The following KCNQ1 variants were observed in gnomAD, a reference collection of about 807,000 sequenced individuals.
KCNQ1 encodes potassium voltage-gated channel subfamily Q member 1.
A neutral mutation model predicts 72.4 loss-of-function variants in KCNQ1; 49 were observed. The observed-to-expected ratio is 0.68, with a 90% CI of 0.54 to 0.86. The LOEUF (loss-of-function observed/expected upper bound fraction) is 0.86, where lower values mean the gene tolerates loss of function less well. Among genes scored for constraint, KCNQ1 ranks in the 40% least tolerant of loss-of-function variants. The pLI is 0.00. For missense variants in KCNQ1, 790 were observed against 945.1 expected (o/e 0.84, Z 2.15); for synonymous variants, 450 against 412.6 (o/e 1.09, Z -1.10).
chr11:2,792,054 C>T (rs1348819417), intron 15 of KCNQ1, among the ~76,000 whole-genome samples: 1 of 152,146 alleles, frequency 6.6e-6, no homozygotes, highest in Non-Finnish European at 1.5e-5. Flanking sequence ...CTGAGCCCTC[C>T]CCACCCCGTT....
intron 10 of KCNQ1, chr11:2,633,696 G>C (rs1282604953): frequency 5.0e-6 from 2 of 398,214 alleles, no homozygotes; most frequent in African/African-American, 2.1e-5. Context: ...TTTACTTCTG[G>C]GTTCTCTATT....
chr11:2,649,263 G>A lies in KCNQ1; in HGVS notation c.1394-12698G>A, dbSNP rs987381443. 3 of 398,032 alleles carry A rather than the reference G, an allele frequency of 7.5e-6. No homozygotes were observed. In the Admixed American group the frequency reaches 1.3e-4, roughly 18 times the overall value. The allele number at this position is 398,032 out of a possible 1,614,324, so 24.7% of individuals were successfully genotyped here. A position where few individuals can be genotyped will look rare whatever the true frequency, so the allele number is the denominator to read the frequency against. ...TACTCCTGTCATTTTATTGTTTTCTGACTGATTTGTATACTTTTGTTTCCT... is the reference window on the plus strand; with the variant it reads ...TACTCCTGTCATTTTATTGTTTTCTAACTGATTTGTATACTTTTGTTTCCT... On this transcript the variant is annotated intron_variant, in intron 10 of 15. Transcript: ENST00000155840.
At chr11:2,665,467 T>C (rs2283181) in intron 11 of KCNQ1, 5,091 of 396,402 alleles carry the variant, frequency 0.013, 158 homozygotes, top group East Asian at 0.08. Context: ...CGACAGTGGG[T>C]GGGGACGGTG....
intron 1 of KCNQ1, among the ~76,000 whole-genome samples, chr11:2,503,593 TGAC>T (rs1249416692): frequency 6.6e-6 from 1 of 151,576 alleles, no homozygotes; most frequent in Admixed American, 6.6e-5. Flanking sequence ...TAATGCTAAA[TGAC>T]GAGTTAATGG....
Position 2,617,551 on chromosome 11 carries a change from A to G in KCNQ1, c.1393+28697A>G. On this transcript the variant is annotated intron_variant, in intron 10 of 15. Transcript: ENST00000155840. The surrounding 1 kb of genome is among the most constrained non-coding windows in gnomAD (Gnocchi z 4.6). Reference sequence around the variant, plus strand: ...GAGCGCAGATATCTTTATGAGGTGGAGATTTCATTTTCTTTGGGAATATAC... The same window carrying G: ...GAGCGCAGATATCTTTATGAGGTGGGGATTTCATTTTCTTTGGGAATATAC... 2.5e-6 allele frequency: 1 copy of G among 398,432 alleles called. No individual in the cohort carries two copies. The highest frequency in any genetic ancestry group is 4.4e-6 in the Non-Finnish European group (1 of 225,952). The allele number at this position is 398,432 out of a possible 1,614,324, so 24.7% of individuals were successfully genotyped here.
At chr11:2,521,459 G>A (rs1338601199) in intron 1 of KCNQ1, 3 of 464,760 alleles carry the variant, frequency 6.5e-6, no homozygotes, top group Non-Finnish European at 9.0e-6. Flanking sequence ...AAGTATTAAC[G>A]TAATTTTTAA....
Position 2,724,355 on chromosome 11 carries a change from G to A in KCNQ1, c.1515-44489G>A, listed in dbSNP as rs927705217. On this transcript the variant is annotated intron_variant, in intron 11 of 15. Coordinates refer to ENST00000155840, the MANE Select transcript of KCNQ1 (RefSeq NM_000218.3). This position sits in a 1 kb window ranked among gnomAD's most constrained non-coding sequence, Gnocchi z 6.8. The stretch of plus-strand genomic sequence containing the variant: ...CAGGAGTGACAGCGTCCTCCCGCCC[G>A]GATTGGGTTTCTGCACAGTGGAATG... Among the ~76,000 whole-genome samples, 11 of 152,162 alleles carry A rather than the reference G, an allele frequency of 7.2e-5. No individual in the cohort carries two copies. The highest frequency in any genetic ancestry group is 1.5e-4 in the Non-Finnish European group (10 of 68,006).
chr11:2,527,155 G>T (rs998679961), intron 1 of KCNQ1, among the ~76,000 whole-genome samples: 31 of 152,190 alleles, frequency 2.0e-4, no homozygotes, highest in Admixed American at 6.5e-5. Flanking sequence ...TGGCCCCAGG[G>T]TGGGGCTCTG....
intron 15 of KCNQ1, among the ~76,000 whole-genome samples, chr11:2,778,735 C>T (rs779042104): frequency 2.6e-5 from 4 of 152,250 alleles, no homozygotes; most frequent in African/African-American, 7.2e-5. Flanking sequence ...ACAGCAAGTC[C>T]GTCTACATGG....
At position 2,725,672 on chromosome 11, in the gene KCNQ1, G is replaced by C. The variant is rs961059095; in HGVS notation, c.1515-43172G>C. The stretch of plus-strand genomic sequence containing the variant: ...CCCTGCCTTCAGTGCCAAAGCCCCA[G>C]GCCCACAGGCTGTGCACTCCAGCCG... On this transcript the variant is annotated intron_variant, in intron 11 of 15. Coordinates refer to ENST00000155840, the MANE Select transcript of KCNQ1 (RefSeq NM_000218.3). This position sits in a 1 kb window ranked among gnomAD's most constrained non-coding sequence, Gnocchi z 7.2. Among the ~76,000 whole-genome samples, 3 of 152,152 alleles carry C rather than the reference G, an allele frequency of 2.0e-5. No homozygotes were observed. The highest frequency in any genetic ancestry group is 2.9e-5 in the Non-Finnish European group (2 of 68,018).
In KCNQ1 at chr11:2,507,334, T is replaced by C. The variant is rs3819508; in HGVS notation, c.387-20594T>C. On this transcript the variant is annotated intron_variant, in intron 1 of 15. Coordinates refer to ENST00000155840, the MANE Select transcript of KCNQ1 (RefSeq NM_000218.3). This position sits in a 1 kb window ranked among gnomAD's most constrained non-coding sequence, Gnocchi z 5.4. ...GCCCCTCTGGCCTCTAAGTGGAGCA[T>C]GGAGTGTGGGGTCATCGGGCAGGAC... Among the ~76,000 whole-genome samples the C allele has an allele frequency of 0.84, 127,628 of 151,768 alleles. 54,064 individuals are homozygous for C. The highest frequency in any genetic ancestry group is 0.98 in the East Asian group (5,036 of 5,136).
At chr11:2,551,929 G>T (rs1847988995) in intron 2 of KCNQ1, among the ~76,000 whole-genome samples, 1 of 152,176 alleles carries the variant, frequency 6.6e-6, no homozygotes, top group Admixed American at 6.5e-5. Flanking sequence ...TTAACAATTA[G>T]GTTGTCTTCT....
intron 11 of KCNQ1, chr11:2,692,565 C>T: frequency 7.5e-6 from 3 of 398,806 alleles, no homozygotes; most frequent in Non-Finnish European, 8.8e-6. Flanking sequence ...GCCACTTTCC[C>T]CAAGGGAGTT....
Position 2,664,897 on chromosome 11 carries a change from G to T in KCNQ1, c.1514+2816G>T. ...AAAAACATAAATAAAGACACATTTT[G>T]TTTCCATCTCGAGCTCTCCCCGCCC... On this transcript the variant is annotated intron_variant, in intron 11 of 15. Transcript: ENST00000155840. This position sits in a 1 kb window ranked among gnomAD's most constrained non-coding sequence, Gnocchi z 5.1. 1 of 398,648 alleles carries T rather than the reference G, an allele frequency of 2.5e-6. No homozygotes were observed. The highest frequency in any genetic ancestry group is 4.4e-6 in the Non-Finnish European group (1 of 226,078). 24.7% of individuals were successfully genotyped at this position (398,648 alleles called of 1,614,324 possible).
In KCNQ1 at chr11:2,494,107, C is replaced by T. The variant is rs1846874490; in HGVS notation, c.387-33821C>T. Among the ~76,000 whole-genome samples, 1 of 152,054 alleles carries T rather than the reference C, an allele frequency of 6.6e-6. No homozygotes were observed. The highest frequency in any genetic ancestry group is 1.5e-5 in the Non-Finnish European group (1 of 68,006). The stretch of plus-strand genomic sequence containing the variant: ...CCTAGGTATTTTCTTCTCTTTGTAG[C>T]AATTATGAATGGGGATTCACTCATG... On this transcript the variant is annotated intron_variant, in intron 1 of 15. Transcript: ENST00000155840. This position sits in a 1 kb window ranked among gnomAD's most constrained non-coding sequence, Gnocchi z 4.6.
At chr11:2,825,844 A>T (rs887591805) in intron 15 of KCNQ1, among the ~76,000 whole-genome samples, 2 of 152,084 alleles carry the variant, frequency 1.3e-5, no homozygotes. Context: ...TGGAGTTTGG[A>T]GTAAAGAGAG....
intron 1 of KCNQ1, among the ~76,000 whole-genome samples, chr11:2,505,513 T>C (rs186437421): frequency 1.3e-5 from 2 of 152,324 alleles, no homozygotes; most frequent in East Asian, 3.9e-4. Flanking sequence ...AAGTCCTCTA[T>C]TCTGTAACTT....
rs1456981905 is a variant in KCNQ1 at position 2,483,098 on chromosome 11, C to G, written c.386+37614C>G. ...GAATTGAGGGAGTGGGTGGTGTGTGCTTCTGCAGGAAGAGCACCCAGACAG... is the reference window on the plus strand; with the variant it reads ...GAATTGAGGGAGTGGGTGGTGTGTGGTTCTGCAGGAAGAGCACCCAGACAG... On this transcript the variant is annotated intron_variant, in intron 1 of 15. Transcript: ENST00000155840. The surrounding 1 kb of genome is among the most constrained non-coding windows in gnomAD (Gnocchi z 6.1). 6.6e-6 allele frequency among the ~76,000 whole-genome samples: 1 copy of G among 152,114 alleles called. No individual in the cohort carries two copies.
chr11:2,601,303 T>C lies in KCNQ1; in HGVS notation c.1393+12449T>C, dbSNP rs151033735. On this transcript the variant is annotated intron_variant, in intron 10 of 15. Coordinates refer to ENST00000155840, the MANE Select transcript of KCNQ1 (RefSeq NM_000218.3). The surrounding 1 kb of genome is among the most constrained non-coding windows in gnomAD (Gnocchi z 5.2). ...ATTTTTCCACGTGCCTAGTGCCCAA[T>C]TGTGTATCTTCTTTAGTGAAATATT... Among the ~76,000 whole-genome samples the C allele has an allele frequency of 6.9e-3, 1,050 of 152,340 alleles. 10 individuals carry two copies. The highest frequency in any genetic ancestry group is 0.048 in the Middle Eastern group (14 of 294).
Sources: gnomAD v4.1 joint callset for allele counts (sites outside exome capture counted in the v4.1 genomes callset) on GRCh38, gnomAD v4.1.1 for gene constraint, Gnocchi (gnomAD v3.1) non-coding constraint, MANE v1.5 for transcripts, NCBI Gene and HGNC (gene_info 2026-07-23, HGNC 2026-07-21) for gene names.